Variants in USP34 observed in about 807,000 individuals in gnomAD.
USP34 encodes the protein ubiquitin specific peptidase 34, also known as ubiquitin carboxyl-terminal hydrolase 34.
A neutral mutation model predicts 460.3 loss-of-function variants in USP34; 70 were observed. That is an observed-to-expected ratio of 0.15 (90% CI 0.13 to 0.19). The LOEUF (loss-of-function observed/expected upper bound fraction) is 0.19, where lower values mean the gene tolerates loss of function less well. Among genes scored for constraint, USP34 ranks in the 10% least tolerant of loss-of-function variants. The pLI is 1.00. For synonymous variants in USP34, 1,647 were observed against 1,405.3 expected (o/e 1.17, Z -3.85); for missense variants, 3,985 against 4,236.2 (o/e 0.94, Z 1.65).
intron 5 of USP34, among the ~76,000 whole-genome samples, chr2:61,393,704 C>G (rs1693424537): frequency 6.6e-6 from 1 of 152,038 alleles, no homozygotes; most frequent in Admixed American, 6.6e-5. Flanking sequence ...CTGATATTAG[C>G]TATTAATTAA....
At chr2:61,367,825 A>T (rs1344809556) in intron 10 of USP34, among the ~76,000 whole-genome samples, 1 of 151,902 alleles carries the variant, frequency 6.6e-6, no homozygotes, top group Non-Finnish European at 1.5e-5. Flanking sequence ...GGACAGGAAG[A>T]CAGAACTTCA....
intron 21 of USP34, among the ~76,000 whole-genome samples, chr2:61,321,156 C>A (rs968121075): frequency 2.7e-5 from 4 of 150,398 alleles, no homozygotes; most frequent in African/African-American, 9.8e-5. Context: ...GATGACAGAG[C>A]GAGACTGTCT....
chr2:61,229,502 C>G, intron 59 of USP34, 46 bp downstream of exon 59: 1 of 1,000,750 alleles, frequency 1.0e-6, no homozygotes, highest in Non-Finnish European at 1.4e-6. Flanking sequence ...AAACACCACA[C>G]ACACACAACA....
At chr2:61,321,675 T>C (rs1382318612) in intron 21 of USP34, among the ~76,000 whole-genome samples, 1 of 152,198 alleles carries the variant, frequency 6.6e-6, no homozygotes, top group African/African-American at 2.4e-5. Context: ...TTTTAAAATG[T>C]AGTTTAAGAT....
At chr2:61,241,500 T>G (rs1572863681) in intron 53 of USP34, 60 bp downstream of exon 53, 2 of 1,260,830 alleles carry the variant, frequency 1.6e-6, no homozygotes, top group East Asian at 4.7e-5. Context: ...CACTACAGTA[T>G]TCCTTGCATA....
chr2:61,410,682 C>A (rs967124661), intron 2 of USP34, among the ~76,000 whole-genome samples: 1 of 152,126 alleles, frequency 6.6e-6, no homozygotes, highest in Admixed American at 6.6e-5. Flanking sequence ...GTTCTCTATT[C>A]GAAATCCTAC....
chr2:61,470,794 G>C lies in USP34; in HGVS notation c.-102C>G. 2 of 964,820 alleles carry C rather than the reference G, an allele frequency of 2.1e-6. No homozygotes were observed. Among genetic ancestry groups the C allele is most frequent in the Non-Finnish European group, 1.5e-6 (1 of 651,390 alleles). The allele number at this position is 964,820 out of a possible 1,614,324, so 59.8% of individuals were successfully genotyped here. On this transcript the variant is annotated 5_prime_UTR_variant, in exon 1 of 80. Coordinates refer to ENST00000398571, the MANE Select transcript of USP34 (RefSeq NM_014709.4). ...AGGCGGAGGAGGGGGCCGGCCGGCCGGCGGGGCGGGGAGGCGACTAGGGCG... is the reference window on the plus strand; with the variant it reads ...AGGCGGAGGAGGGGGCCGGCCGGCCCGCGGGGCGGGGAGGCGACTAGGGCG...
intron 21 of USP34, among the ~76,000 whole-genome samples, chr2:61,320,493 A>C (rs541271681): frequency 3.6e-4 from 48 of 134,542 alleles, no homozygotes; most frequent in African/African-American, 1.0e-3. Context: ...CCGGGCCAGG[A>C]ATCAGTTTTT....
intron 1 of USP34, among the ~76,000 whole-genome samples, chr2:61,440,989 G>T (rs565167428): frequency 6.6e-6 from 1 of 151,766 alleles, no homozygotes; most frequent in East Asian, 2.0e-4. Flanking sequence ...TTAGCTGGGC[G>T]TGATGGCAGG....
intron 1 of USP34, among the ~76,000 whole-genome samples, chr2:61,447,496 A>G (rs796737043): frequency 2.0e-5 from 3 of 152,246 alleles, no homozygotes; most frequent in Non-Finnish European, 2.9e-5. Flanking sequence ...AAAAATCTGG[A>G]TAACTTTGCA....
chr2:61,437,534 CAGGCTGAGGT>C (rs1009317519), intron 1 of USP34, among the ~76,000 whole-genome samples: 2 of 151,836 alleles, frequency 1.3e-5, no homozygotes, highest in Admixed American at 1.3e-4. Flanking sequence ...AGCACTTTGG[CAGGCTGAGGT>C]AGGCAGATCA....
At chr2:61,322,692 T>C (rs979990838) in intron 21 of USP34, among the ~76,000 whole-genome samples, 16 of 152,216 alleles carry the variant, frequency 1.1e-4, no homozygotes, top group East Asian at 3.8e-4. Flanking sequence ...GCAGTATCAG[T>C]CTAAAGAGTT....
At chr2:61,212,888 T>G (rs540580037) in intron 68 of USP34, among the ~76,000 whole-genome samples, 1 of 152,184 alleles carries the variant, frequency 6.6e-6, no homozygotes, top group Non-Finnish European at 1.5e-5. Flanking sequence ...GTGAATATGA[T>G]AGAGACAAAT....
In USP34 at chr2:61,326,857, C is replaced by T. The variant is rs763886598; in HGVS notation, c.2931-1400G>A. Among the ~76,000 whole-genome samples the T allele has an allele frequency of 9.4e-5, 14 of 149,066 alleles. 1 individual carries two copies. Among genetic ancestry groups the T allele is most frequent in the Admixed American group, 6.7e-4 (10 of 14,916 alleles). ...GGAGTGCAGTAGCGTGATCTCAGCT[C>T]ACTGCAACCTCCGCCTCCTGGGTTC... On this transcript the variant is annotated intron_variant, in intron 20 of 79. Coordinates refer to ENST00000398571, the MANE Select transcript of USP34 (RefSeq NM_014709.4).
At chr2:61,272,373 T>G (rs536605008) in intron 41 of USP34, among the ~76,000 whole-genome samples, 1 of 143,120 alleles carries the variant, frequency 7.0e-6, no homozygotes, top group Non-Finnish European at 1.5e-5. Flanking sequence ...ATCATGCCAC[T>G]GCACTCCAGC....
chr2:61,256,467 A>T lies in USP34; in HGVS notation c.6138T>A (p.Asp2046Glu), dbSNP rs1289881511. 1 of 1,603,276 alleles carries T rather than the reference A, an allele frequency of 6.2e-7. No homozygotes were observed. Among genetic ancestry groups the T allele is most frequent in the Non-Finnish European group, 8.5e-7 (1 of 1,173,994 alleles). Residue 2046 changes from aspartate (D) to glutamate (E), a missense_variant, in exon 48 of 80, where the codon GAT (aspartate) becomes GAA (glutamate). Physicochemically the swap from Asp to Glu is conservative, Grantham distance 45. Coordinates refer to ENST00000398571, the MANE Select transcript of USP34 (RefSeq NM_014709.4). Reference sequence around the variant, plus strand: ...CCAAAGTGTCTTTTATAGTAACTTCATCAAGAGATTCCTGTGTATAAAACC... The same window carrying T: ...CCAAAGTGTCTTTTATAGTAACTTCTTCAAGAGATTCCTGTGTATAAAACC... ...ADMKNIYESLDEVTIKDTLEG... is the reference protein window; with the variant it reads ...ADMKNIYESLEEVTIKDTLEG...
chr2:61,344,016 C>T lies in USP34; in HGVS notation c.2299G>A (p.Asp767Asn). 6.2e-7 allele frequency: 1 copy of T among 1,613,478 alleles called. No homozygotes were observed. The highest frequency in any genetic ancestry group is 8.5e-7 in the Non-Finnish European group (1 of 1,179,766). The change falls in exon 16 of 80, where the codon GAT becomes AAT. Residue 767 changes from aspartate to asparagine, a missense_variant. Coordinates refer to ENST00000398571, the MANE Select transcript of USP34 (RefSeq NM_014709.4). Reference protein sequence around the residue: ...HHHHDGHMVDDMLSADDVSCS... With the variant: ...HHHHDGHMVDNMLSADDVSCS... ...CTGACATCATCTGCACTTAGCATAT[C>T]ATCAACCATATGCCTACAAAACAGA...
At chr2:61,387,323 G>C (rs2103880808) in intron 5 of USP34, among the ~76,000 whole-genome samples, 1 of 151,888 alleles carries the variant, frequency 6.6e-6, no homozygotes, top group East Asian at 1.9e-4. Context: ...AATTTAGCCA[G>C]GCTTGGTAGT....
intron 1 of USP34, among the ~76,000 whole-genome samples, chr2:61,457,141 T>G (rs779120476): frequency 6.0e-4 from 91 of 152,284 alleles, no homozygotes; most frequent in Non-Finnish European, 7.9e-4. Context: ...CCAGGTGTGA[T>G]GGCACAGGCT....
Sources: gnomAD v4.1 joint callset for allele counts (sites outside exome capture counted in the v4.1 genomes callset) on GRCh38, gnomAD v4.1.1 for gene constraint, MANE v1.5 for transcripts, NCBI Gene and HGNC (gene_info 2026-07-23, HGNC 2026-07-21) for gene names.